CTNNA1: variants seen among roughly 807,000 people sequenced by gnomAD.
CTNNA1 encodes the protein catenin alpha 1.
A neutral mutation model predicts 98.4 loss-of-function variants in CTNNA1; 37 were observed. That is an observed-to-expected ratio of 0.38 (90% CI 0.29 to 0.49). The LOEUF is 0.49. CTNNA1 is among the 20% of genes least tolerant of loss of function. The probability of loss-of-function intolerance (pLI) is 0.95; values close to 1 mark genes in which losing one functional copy is unlikely to be tolerated. For missense variants in CTNNA1, 761 were observed against 1,147.2 expected, an observed-to-expected ratio of 0.66 and a Z score of 4.86; for synonymous variants, 404 against 413.2, an observed-to-expected ratio of 0.98 and a Z score of 0.27.
rs781373407 is a variant in CTNNA1, at chr5:138,873,088, A to G, written c.1063-13124A>G. ...CATTAATGATGATGAAGGGTCCTTC[A>G]TGGGTGGGTTCATATTCATTATACG... On this transcript the variant is annotated intron_variant, in intron 7 of 17. Transcript: ENST00000302763. The surrounding 1 kb of genome is among the most constrained non-coding windows in gnomAD (Gnocchi z 6.1). 9.3e-6 allele frequency: 15 copies of G among 1,613,924 alleles called. No homozygotes were observed. The highest frequency in any genetic ancestry group is 1.2e-5 in the Non-Finnish European group (14 of 1,179,870).
intron 16 of CTNNA1, chr5:138,932,058 CACTT>C (rs1580923295): frequency 2.0e-6 from 2 of 982,446 alleles, no homozygotes; most frequent in Admixed American, 6.2e-5. Flanking sequence ...TTACTTTACT[CACTT>C]GTCTTCCACC....
At chr5:138,754,143 A>C (rs1388580578) in intron 1 of CTNNA1, 1 of 151,138 alleles carries the variant, frequency 6.6e-6, no homozygotes, top group African/African-American at 2.4e-5. Flanking sequence ...GTCCACTTGG[A>C]CTCGGGGATT....
At chr5:138,866,273 C>CATTT (rs201730664) in intron 7 of CTNNA1, among the ~76,000 whole-genome samples, 30,930 of 138,354 alleles carry the variant, frequency 0.22, 3,701 homozygotes, top group East Asian at 0.37. Flanking sequence ...TGTTGTAACT[C>CATTT]ATTTATTTAT....
chr5:138,779,717 G>GTT lies in CTNNA1; in HGVS notation c.-2-2202_-2-2201dup, dbSNP rs1419754755. On this transcript the variant is annotated intron_variant, in intron 1 of 17. Transcript: ENST00000302763. ...GCACTGATAACACTGGTTTTTTTTT[G>GTT]TTTTTGTTTTTTTTTTGAGACAAGA... Among the ~76,000 whole-genome samples the GTT allele has an allele frequency of 7.1e-3, 528 of 74,478 alleles. 8 individuals are homozygous for GTT. The highest frequency in any genetic ancestry group is 0.021 in the African/African-American group (480 of 22,398). 48.9% of individuals were successfully genotyped at this position (74,478 alleles called of 152,430 possible). A position where few individuals can be genotyped will look rare whatever the true frequency, so the allele number is the denominator to read the frequency against.
chr5:138,813,250 C>T (rs1418030886), intron 5 of CTNNA1, among the ~76,000 whole-genome samples: 2 of 152,212 alleles, frequency 1.3e-5, no homozygotes, highest in Non-Finnish European at 2.9e-5. Flanking sequence ...TGCAGAGGCT[C>T]TTTGCATGAC....
chr5:138,753,999 CCTTCCCGGCCGCTGAGA>C (rs1481398069), intron 1 of CTNNA1: 1 of 152,272 alleles, frequency 6.6e-6, no homozygotes, highest in Non-Finnish European at 1.5e-5. Context: ...GCCCCCTCCC[CCTTCCCGGCCGCTGAGA>C]CTTCCCGATG....
At chr5:138,928,612 G>A (rs927867270) in intron 13 of CTNNA1, among the ~76,000 whole-genome samples, 5 of 152,134 alleles carry the variant, frequency 3.3e-5, no homozygotes, top group African/African-American at 9.7e-5. Flanking sequence ...TTAAAATGCC[G>A]GTGTTGGGGA....
chr5:138,774,322 G>C (rs1262271946), intron 1 of CTNNA1, among the ~76,000 whole-genome samples: 1 of 151,668 alleles, frequency 6.6e-6, no homozygotes, highest in Non-Finnish European at 1.5e-5. Flanking sequence ...ACCACACCTG[G>C]CTTTTTTTCT....
intron 5 of CTNNA1, among the ~76,000 whole-genome samples, chr5:138,812,935 A>G (rs1349624056): frequency 6.6e-6 from 1 of 152,198 alleles, no homozygotes; most frequent in Non-Finnish European, 1.5e-5. Context: ...CCATCTTCTT[A>G]TATCTTTCAT....
chr5:138,811,082 G>C (rs1378897422), intron 4 of CTNNA1, among the ~76,000 whole-genome samples: 21 of 152,178 alleles, frequency 1.4e-4, no homozygotes, highest in Non-Finnish European at 4.4e-5. Flanking sequence ...TTCCCAGACG[G>C]TGTGGTTGCC....
chr5:138,925,771 T>C (rs1763875770), intron 13 of CTNNA1, among the ~76,000 whole-genome samples: 2 of 152,180 alleles, frequency 1.3e-5, no homozygotes, highest in African/African-American at 4.8e-5. Flanking sequence ...ATTGTTCACA[T>C]GAAGTGCCCC....
chr5:138,794,925 A>G (rs1041146383), intron 3 of CTNNA1, among the ~76,000 whole-genome samples: 3 of 151,394 alleles, frequency 2.0e-5, no homozygotes, highest in Admixed American at 2.0e-4. Flanking sequence ...TGAGGCAGGT[A>G]GATCACCTGA....
intron 7 of CTNNA1, among the ~76,000 whole-genome samples, chr5:138,863,422 T>G (rs1764465577): frequency 6.6e-6 from 1 of 152,048 alleles, no homozygotes; most frequent in African/African-American, 2.4e-5. Context: ...ATACATGTAT[T>G]TTTTGTAGAG....
In CTNNA1 at chr5:138,934,056, C is replaced by T. The variant is rs746681504; in HGVS notation, c.2688C>T (p.Ala896=). ...AGAAGCACGTGAACCCGGTGCAGGC[C>T]CTCAGCGAGTTCAAAGCTATGGACA... The part of the protein sequence containing the change: ...SQKKHVNPVQ[A]LSEFKAMDSI The change falls in exon 18 of 18, where the codon GCC becomes GCT. Residue 896 remains alanine, a synonymous_variant. Transcript: ENST00000302763. The T allele has an allele frequency of 6.2e-7, 1 of 1,613,264 alleles. No homozygotes were observed. The highest frequency in any genetic ancestry group is 2.2e-5 in the East Asian group (1 of 44,852).
intron 5 of CTNNA1, among the ~76,000 whole-genome samples, chr5:138,815,207 T>C (rs1381670597): frequency 6.6e-6 from 1 of 152,210 alleles, no homozygotes; most frequent in Non-Finnish European, 1.5e-5. Flanking sequence ...ATCCCTTATG[T>C]ATTTTTTTCA....
At chr5:138,774,174 C>T (rs926348847) in intron 1 of CTNNA1, among the ~76,000 whole-genome samples, 6 of 152,034 alleles carry the variant, frequency 3.9e-5, no homozygotes, top group East Asian at 1.9e-4. Flanking sequence ...TGAGCTACTG[C>T]GCCTGGCCTG....
chr5:138,760,427 G>A (rs1266423659), intron 1 of CTNNA1, among the ~76,000 whole-genome samples: 4 of 145,690 alleles, frequency 2.7e-5, no homozygotes, highest in Non-Finnish European at 4.5e-5. Flanking sequence ...GCAGTGGTGC[G>A]ATCTTGGCTC....
In CTNNA1 at chr5:138,924,448, T is replaced by C; in HGVS notation, c.1547-62T>C. The C allele has an allele frequency of 2.6e-6, 4 of 1,544,832 alleles. No homozygotes were observed. In the Admixed American group the frequency reaches 5.2e-5, roughly 20 times the overall value. On this transcript the variant is annotated intron_variant, in intron 11 of 17. Transcript: ENST00000302763. ...AAACAATAAATGATAGATGCCAGCT[T>C]ACAGTTGCCACCTTTTCATAGAAAG...
intron 7 of CTNNA1, among the ~76,000 whole-genome samples, chr5:138,854,847 C>T (rs1420623673): frequency 6.6e-6 from 1 of 152,236 alleles, no homozygotes; most frequent in Non-Finnish European, 1.5e-5. Flanking sequence ...ACGGGACATA[C>T]ACTTTGAGTG....
Sources: allele counts gnomAD v4.1 joint callset (sites outside exome capture counted in the v4.1 genomes callset), GRCh38; gene constraint gnomAD v4.1.1; non-coding constraint Gnocchi (gnomAD v3.1); transcripts MANE v1.5; gene names NCBI Gene and HGNC (gene_info 2026-07-23, HGNC 2026-07-21).